The following COL4A2 variants were observed in gnomAD, a reference collection of about 807,000 sequenced individuals.
The protein encoded by COL4A2 is collagen alpha-2(IV) chain.
Under a neutral mutation model 200.2 loss-of-function variants are expected in COL4A2, and 99 were observed. The observed-to-expected ratio is 0.49, with a 90% CI of 0.42 to 0.58. COL4A2 has a LOEUF of 0.58. COL4A2 is among the 20% of genes least tolerant of loss of function. The probability of loss-of-function intolerance (pLI) is 0.00; values close to 1 mark genes in which losing one functional copy is unlikely to be tolerated. For synonymous variants in COL4A2, 897 were observed against 900.6 expected (o/e 1.00, Z 0.07); for missense variants, 1,950 against 2,314.1 (o/e 0.84, Z 3.23).
intron 22 of COL4A2, chr13:110,459,188 C>A: frequency 2.7e-6 from 1 of 374,364 alleles, no homozygotes; most frequent in Non-Finnish European, 4.8e-6. Context: ...TAGGGGGTCA[C>A]CACGTGACCC....
intron 20 of COL4A2, among the ~76,000 whole-genome samples, chr13:110,454,601 G>A (rs1881651209): frequency 6.6e-6 from 1 of 152,104 alleles, no homozygotes; most frequent in African/African-American, 2.4e-5. Context: ...CCCCAGCAGT[G>A]CGGGGTGCGG....
chr13:110,397,879 C>T (rs1485763220), intron 4 of COL4A2, among the ~76,000 whole-genome samples: 1 of 152,160 alleles, frequency 6.6e-6, no homozygotes, highest in African/African-American at 2.4e-5. Flanking sequence ...GAAAGAGTCA[C>T]AAACGTTAAA....
chr13:110,422,886 C>G (rs930543381), intron 4 of COL4A2, among the ~76,000 whole-genome samples: 1 of 152,194 alleles, frequency 6.6e-6, no homozygotes, highest in African/African-American at 2.4e-5. Context: ...GTACCCTGGG[C>G]TGCGTTTTTA....
intron 13 of COL4A2, among the ~76,000 whole-genome samples, chr13:110,437,488 C>A (rs1880937692): frequency 6.6e-6 from 1 of 152,222 alleles, no homozygotes; most frequent in African/African-American, 2.4e-5. Context: ...ATTGCTGTTT[C>A]TTTCACCATT....
In COL4A2 at chr13:110,473,032, A is replaced by G. The variant is rs1422693393; in HGVS notation, c.2307A>G (p.Glu769=). Residue 769 remains glutamate, a synonymous_variant, in exon 29 of 48, where the codon GAA becomes GAG. Transcript: ENST00000360467. ...CAGGGCCAGATGGGCCCCCTGGGGA[A>G]AGGGGCCTCCCTGGAGAAGTCCTGG... ...GLPGPDGPPG[E]RGLPGEVLGA... 2 of 1,514,790 alleles carry G rather than the reference A, an allele frequency of 1.3e-6. No individual in the cohort carries two copies. Among genetic ancestry groups the G allele is most frequent in the Non-Finnish European group, 1.8e-6 (2 of 1,132,298 alleles). The allele number at this position is 1,514,790 out of a possible 1,614,324, so 93.8% of individuals were successfully genotyped here. A position where few individuals can be genotyped will look rare whatever the true frequency, so the allele number is the denominator to read the frequency against.
intron 3 of COL4A2, among the ~76,000 whole-genome samples, chr13:110,315,640 C>T (rs893824540): frequency 3.3e-5 from 5 of 152,190 alleles, no homozygotes; most frequent in Non-Finnish European, 7.3e-5. Context: ...AGGTGATCCG[C>T]CTACCTCAGC....
chr13:110,478,446 C>G lies in COL4A2; in HGVS notation c.2587+282C>G, dbSNP rs559631381. ...TTCCCCCTACAAAAGTTCAGAATCA[C>G]TGCTCTGATGTGGAGAGGAGAAATG... On this transcript the variant is annotated intron_variant, in intron 30 of 47. Transcript: ENST00000360467. Among the ~76,000 whole-genome samples the G allele has an allele frequency of 1.2e-4, 18 of 152,342 alleles. No individual in the cohort carries two copies. In the South Asian group the frequency reaches 3.5e-3, roughly 30 times the overall value.
chr13:110,459,039 A>G, intron 22 of COL4A2, 105 bp downstream of exon 22: 1 of 1,112,140 alleles, frequency 9.0e-7, no homozygotes, highest in Non-Finnish European at 1.2e-6. Context: ...CAGACCGGCA[A>G]CACTCATGGA....
intron 29 of COL4A2, among the ~76,000 whole-genome samples, chr13:110,474,135 A>G (rs1356600005): frequency 6.6e-6 from 1 of 152,050 alleles, no homozygotes; most frequent in Non-Finnish European, 1.5e-5. Context: ...TCAAAAAGAA[A>G]AGAAAAGAAA....
rs746284597 is a variant in COL4A2, at chr13:110,493,225, C to T, written c.3577C>T (p.Arg1193Cys). The T allele has an allele frequency of 8.1e-6, 13 of 1,614,028 alleles. No homozygotes were observed. The highest frequency in any genetic ancestry group is 1.7e-5 in the Admixed American group (1 of 60,000). Residue 1193 changes from arginine to cysteine, a missense_variant, in exon 39 of 48, where the codon CGT becomes TGT. Arg to Cys is a radical substitution (Grantham distance 180). Around this residue, in one of 2 missense-constraint regions of COL4A2, gnomAD observed 1,385 missense variants for 1,720.5 expected, o/e 0.80. Transcript: ENST00000360467. The part of the protein sequence containing the change: ...APGLPGFPGL[R>C]GIRGLHGLPG... Reference sequence around the variant, plus strand: ...CACCCCCGCAGGTTTTCCGGGACTCCGTGGGATCCGCGGCTTACACGGCTT... The same window carrying T: ...CACCCCCGCAGGTTTTCCGGGACTCTGTGGGATCCGCGGCTTACACGGCTT...
intron 20 of COL4A2, among the ~76,000 whole-genome samples, 173 bp downstream of exon 20, chr13:110,450,627 G>T (rs973537168): frequency 7.9e-5 from 12 of 152,200 alleles, no homozygotes; most frequent in African/African-American, 2.7e-4. Flanking sequence ...TGCTCTCTGG[G>T]GTCCACGCAG....
At chr13:110,505,194 C>A (rs889909652) in intron 45 of COL4A2, among the ~76,000 whole-genome samples, 1 of 151,230 alleles carries the variant, frequency 6.6e-6, no homozygotes, top group African/African-American at 2.4e-5. Context: ...ACTAAAAATA[C>A]AAAAAATTAG....
At chr13:110,355,824 C>G (rs367822208) in intron 3 of COL4A2, among the ~76,000 whole-genome samples, 5 of 6,710 alleles carry the variant, frequency 7.5e-4, no homozygotes, top group South Asian at 6.8e-3. Context: ...GAGGGCTGCA[C>G]TAGCTCACCT....
At chr13:110,389,697 G>T (rs1418880024) in intron 4 of COL4A2, among the ~76,000 whole-genome samples, 1 of 152,182 alleles carries the variant, frequency 6.6e-6, no homozygotes, top group East Asian at 1.9e-4. Flanking sequence ...CCAGGACTGC[G>T]GCTCCAAGAG....
At chr13:110,313,474 C>T (rs1313938253) in intron 3 of COL4A2, among the ~76,000 whole-genome samples, 2 of 151,688 alleles carry the variant, frequency 1.3e-5, no homozygotes, top group Non-Finnish European at 2.9e-5. Context: ...CCCCGGTGCC[C>T]CGCGTCCACC....
chr13:110,477,305 C>G (rs1882738680), intron 29 of COL4A2, among the ~76,000 whole-genome samples: 1 of 152,256 alleles, frequency 6.6e-6, no homozygotes, highest in African/African-American at 2.4e-5. Context: ...TCCCCCGACA[C>G]CACGTTTCAC....
At chr13:110,482,844 C>T (rs1594100890) in intron 32 of COL4A2, among the ~76,000 whole-genome samples, 185 bp downstream of exon 32, 1 of 152,228 alleles carries the variant, frequency 6.6e-6, no homozygotes, top group African/African-American at 2.4e-5. Flanking sequence ...CCTCAACACA[C>T]TGACCATGTG....
chr13:110,470,831 CTT>C (rs1320465459), intron 28 of COL4A2, among the ~76,000 whole-genome samples: 1 of 152,214 alleles, frequency 6.6e-6, no homozygotes, highest in Non-Finnish European at 1.5e-5. Flanking sequence ...TAGATGGTAT[CTT>C]TCGGAATTTT....
chr13:110,314,066 G>A (rs1209394660), intron 3 of COL4A2, among the ~76,000 whole-genome samples: 1 of 152,228 alleles, frequency 6.6e-6, no homozygotes, highest in African/African-American at 2.4e-5. Context: ...TGCACTAGTG[G>A]AAAAACTGGT....
Sources: gnomAD v4.1 joint callset for allele counts (sites outside exome capture counted in the v4.1 genomes callset) on GRCh38, gnomAD v4.1.1 for gene constraint, gnomAD v4.1.1 regional missense constraint, MANE v1.5 for transcripts, NCBI Gene and HGNC (gene_info 2026-07-23, HGNC 2026-07-21) for gene names.